ASXL2: variants seen among roughly 807,000 people sequenced by gnomAD.
ASXL2 encodes ASXL transcriptional regulator 2.
ASXL2 carries 23 observed loss-of-function variants against 122.0 expected under a neutral mutation model. The observed-to-expected ratio is 0.19, with a 90% CI of 0.14 to 0.27. The LOEUF (loss-of-function observed/expected upper bound fraction) is 0.27, where lower values mean the gene tolerates loss of function less well. Ranked by LOEUF, ASXL2 falls within the 10% of genes least tolerant of loss-of-function variation. ASXL2 has a pLI of 1.00. For missense variants in ASXL2, 1,518 were observed against 1,713.8 expected (o/e 0.89, Z 2.02); for synonymous variants, 650 against 637.0 (o/e 1.02, Z -0.31).
Position 25,743,040 on chromosome 2 carries a change from G to T in ASXL2, c.3297C>A (p.Asp1099Glu). The change falls in exon 13 of 13, where the codon GAC (aspartate) becomes GAA (glutamate). Residue 1099 changes from aspartate to glutamate, a missense_variant. By Grantham distance (45) the Asp-to-Glu change is conservative (BLOSUM62 2). Transcript: ENST00000435504. Reference sequence around the variant, plus strand: ...GCATGAACCTCTGGCTTGTGGAGATGTCTTCCAGCTGGAAACCTGAGTGAG... The same window carrying T: ...GCATGAACCTCTGGCTTGTGGAGATTTCTTCCAGCTGGAAACCTGAGTGAG... ...NFAHSGFQLE[D>E]ISTSQRFMLG... 6.2e-7 allele frequency: 1 copy of T among 1,614,044 alleles called. No homozygotes were observed. Among genetic ancestry groups the T allele is most frequent in the Middle Eastern group, 1.6e-4 (1 of 6,062 alleles).
intron 8 of ASXL2, among the ~76,000 whole-genome samples, chr2:25,766,584 C>CA (rs1312021730): frequency 2.6e-5 from 4 of 152,148 alleles, no homozygotes; most frequent in African/African-American, 9.7e-5. Context: ...TAAGACTATT[C>CA]AATGTCTTTA....
At position 25,773,468 on chromosome 2, in the gene ASXL2, A is replaced by G. The variant is rs190676998; in HGVS notation, c.404-1928T>C. On this transcript the variant is annotated intron_variant, in intron 5 of 12. Transcript: ENST00000435504. The stretch of plus-strand genomic sequence containing the variant: ...ATCACAAGGTCAGGAGATTGAGACC[A>G]TCCTGGCTAACACGGTGAAACCCCA... Among the ~76,000 whole-genome samples the G allele has an allele frequency of 3.9e-4, 60 of 152,064 alleles. 1 individual carries two copies. The East Asian group carries it at 0.011, about 27-fold the overall frequency.
rs188103552 is a variant in ASXL2, at chr2:25,779,836, T to C, written c.404-8296A>G. Among the ~76,000 whole-genome samples, 304 of 152,368 alleles carry C rather than the reference T, an allele frequency of 2.0e-3. 1 individual carries two copies. Among genetic ancestry groups the C allele is most frequent in the African/African-American group, 7.1e-3 (296 of 41,582 alleles). ...TTTCATTTTTATTCATATTTTTCAT[T>C]TTGTGAAAATACAACAGTATATATG... On this transcript the variant is annotated intron_variant, in intron 5 of 12. Coordinates refer to ENST00000435504, the MANE Select transcript of ASXL2 (RefSeq NM_018263.6).
chr2:25,763,155 A>G (rs1242218031), intron 8 of ASXL2, among the ~76,000 whole-genome samples: 1 of 152,158 alleles, frequency 6.6e-6, no homozygotes, highest in East Asian at 1.9e-4. Flanking sequence ...ATTATTAATA[A>G]ATCAAGCAAA....
At chr2:25,839,815 G>A (rs1029603621) in intron 2 of ASXL2, among the ~76,000 whole-genome samples, 3 of 150,758 alleles carry the variant, frequency 2.0e-5, no homozygotes, top group East Asian at 3.9e-4. Flanking sequence ...ATTAATATAC[G>A]AGGTACTAAT....
In ASXL2 at chr2:25,741,985, C is replaced by T; in HGVS notation, c.*44G>A. ...GACGCAAAAAACCCAACTGGTCAAC[C>T]CTTCCCTTCCCCCTCCTTTACAGTG... On this transcript the variant is annotated 3_prime_UTR_variant, in exon 13 of 13. Coordinates refer to ENST00000435504, the MANE Select transcript of ASXL2 (RefSeq NM_018263.6). The T allele has an allele frequency of 1.3e-6, 2 of 1,551,810 alleles. No homozygotes were observed. The highest frequency in any genetic ancestry group is 1.2e-5 in the South Asian group (1 of 82,814).
rs147296439 is a variant in ASXL2, at chr2:25,743,007, A to C, written c.3330T>G (p.Phe1110Leu). The change falls in exon 13 of 13, where the codon TTT (phenylalanine) becomes TTG (leucine). Residue 1110 changes from phenylalanine (F) to leucine (L), a missense_variant. Physicochemically the swap from Phe to Leu is conservative, Grantham distance 22 (BLOSUM62 0). Around this residue, in one of 8 missense-constraint regions of ASXL2, gnomAD observed 831 missense variants for 833.1 expected, o/e 1.00. Transcript: ENST00000435504. ...ISTSQRFMLG[F>L]AGRRTSKPAM... ...CAGGTTTGGATGTCCTTCTGCCAGCAAAACCCAGCATGAACCTCTGGCTTG... is the reference window on the plus strand; with the variant it reads ...CAGGTTTGGATGTCCTTCTGCCAGCCAAACCCAGCATGAACCTCTGGCTTG... 2 of 1,614,032 alleles carry C rather than the reference A, an allele frequency of 1.2e-6. No individual in the cohort carries two copies. The highest frequency in any genetic ancestry group is 1.7e-6 in the Non-Finnish European group (2 of 1,179,890).
At chr2:25,827,572 A>G (rs1314440150) in intron 3 of ASXL2, among the ~76,000 whole-genome samples, 1 of 152,258 alleles carries the variant, frequency 6.6e-6, no homozygotes, top group African/African-American at 2.4e-5. Flanking sequence ...CTTTTTAAAA[A>G]GAAATAATAT....
intron 3 of ASXL2, among the ~76,000 whole-genome samples, chr2:25,833,701 A>G (rs1187565838): frequency 2.0e-5 from 3 of 152,080 alleles, no homozygotes; most frequent in Admixed American, 2.0e-4. Flanking sequence ...GTCTCAAAAA[A>G]AAAAAAGCTT....
intron 8 of ASXL2, among the ~76,000 whole-genome samples, chr2:25,766,721 T>C (rs1466404657): frequency 6.6e-6 from 1 of 152,184 alleles, no homozygotes; most frequent in Admixed American, 6.5e-5. Flanking sequence ...GTATTTACAG[T>C]ATTTACATTT....
chr2:25,765,322 G>GA lies in ASXL2; in HGVS notation c.775+2260dup, dbSNP rs1417879384. On this transcript the variant is annotated intron_variant, in intron 8 of 12. Coordinates refer to ENST00000435504, the MANE Select transcript of ASXL2 (RefSeq NM_018263.6). ...AACACAGTGAAACCCCGTCTCTACT[G>GA]AAAATACAAAAAAATTAGCCGGGCG... Among the ~76,000 whole-genome samples the GA allele has an allele frequency of 2.0e-5, 3 of 151,692 alleles. No homozygotes were observed. In the East Asian group the frequency reaches 5.8e-4, roughly 30 times the overall value.
At chr2:25,768,977 TTGAAATCTATCAA>T (rs1439087849) in intron 6 of ASXL2, 109 bp from the exon 7 acceptor site, 1 of 1,298,722 alleles carries the variant, frequency 7.7e-7, no homozygotes, top group African/African-American at 1.5e-5. Flanking sequence ...TTCAATTTCT[TTGAAATCTATCAA>T]AGCAAACAAA....
At chr2:25,762,299 T>A (rs1574402387) in intron 8 of ASXL2, among the ~76,000 whole-genome samples, 3 of 112,216 alleles carry the variant, frequency 2.7e-5, no homozygotes, top group Non-Finnish European at 3.7e-5. Flanking sequence ...ACAAGAGAAT[T>A]AATATGAACA....
At chr2:25,849,988 T>C (rs2089697177) in intron 1 of ASXL2, among the ~76,000 whole-genome samples, 1 of 152,204 alleles carries the variant, frequency 6.6e-6, no homozygotes, top group African/African-American at 2.4e-5. Context: ...TAAAAAAAAT[T>C]CACCAAATGA....
rs757453393 is a variant in ASXL2 at position 25,743,824 on chromosome 2, G to A, written c.2513C>T (p.Pro838Leu). 6 of 1,613,914 alleles carry A rather than the reference G, an allele frequency of 3.7e-6. No individual in the cohort carries two copies. The highest frequency in any genetic ancestry group is 4.2e-6 in the Non-Finnish European group (5 of 1,179,904). Residue 838 changes from proline (P) to leucine (L), a missense_variant, in exon 13 of 13, where the codon CCT (proline) becomes CTT (leucine). Pro to Leu is a moderately conservative substitution (Grantham distance 98). This residue lies in a region of ASXL2 where 831 missense variants were observed against 833.1 expected (regional missense o/e 1.00). Coordinates refer to ENST00000435504, the MANE Select transcript of ASXL2 (RefSeq NM_018263.6). ...RQEKAPSPTG[P>L]ALISGASPVH... Reference sequence around the variant, plus strand: ...AGGTGAGGCACCTGAGATTAGAGCAGGACCTGTTGGAGAAGGTGCTTTCTC... The same window carrying A: ...AGGTGAGGCACCTGAGATTAGAGCAAGACCTGTTGGAGAAGGTGCTTTCTC...
At chr2:25,854,410 G>GA (rs1175816078) in intron 1 of ASXL2, among the ~76,000 whole-genome samples, 1 of 152,122 alleles carries the variant, frequency 6.6e-6, no homozygotes, top group Non-Finnish European at 1.5e-5. Flanking sequence ...TGTGAAAACT[G>GA]AAGTGCAGAG....
intron 1 of ASXL2, 109 bp downstream of exon 1, chr2:25,878,057 G>T: frequency 3.5e-6 from 5 of 1,424,892 alleles, no homozygotes; most frequent in Non-Finnish European, 4.9e-6. Flanking sequence ...GCGCGGTTTT[G>T]TGCCCCTTCA....
chr2:25,844,149 A>T (rs143347494), intron 2 of ASXL2, among the ~76,000 whole-genome samples: 1 of 152,266 alleles, frequency 6.6e-6, no homozygotes, highest in East Asian at 1.9e-4. Flanking sequence ...ATAGTTGAAA[A>T]CCAGTAGTTT....
At chr2:25,814,394 G>C (rs1329917366) in intron 3 of ASXL2, among the ~76,000 whole-genome samples, 1 of 152,204 alleles carries the variant, frequency 6.6e-6, no homozygotes, top group Non-Finnish European at 1.5e-5. Flanking sequence ...TCATCTGCAT[G>C]GGTGATAAAA....
Sources: gnomAD v4.1 joint callset for allele counts (sites outside exome capture counted in the v4.1 genomes callset) on GRCh38, gnomAD v4.1.1 for gene constraint, gnomAD v4.1.1 regional missense constraint, MANE v1.5 for transcripts, NCBI Gene and HGNC (gene_info 2026-07-23, HGNC 2026-07-21) for gene names.